Variants in IRAK2 observed in about 807,000 individuals in gnomAD.
IRAK2 encodes the protein interleukin 1 receptor associated kinase 2.
A neutral mutation model predicts 72.0 loss-of-function variants in IRAK2; 57 were observed. That is an observed-to-expected ratio of 0.79 (90% CI 0.64 to 0.99). The LOEUF is 0.99. IRAK2 is among the 50% of genes least tolerant of loss of function. The pLI is 0.00. For missense variants in IRAK2, 790 were observed against 794.4 expected (o/e 0.99, Z 0.07); for synonymous variants, 293 against 312.7 (o/e 0.94, Z 0.67).
At chr3:10,198,417 G>A (rs1484711629) in intron 2 of IRAK2, among the ~76,000 whole-genome samples, 1 of 152,188 alleles carries the variant, frequency 6.6e-6, no homozygotes, top group African/African-American at 2.4e-5. Flanking sequence ...GCCCCTGGGG[G>A]AATTGGGGCT....
At chr3:10,218,629 C>A (rs1026381266) in intron 7 of IRAK2, among the ~76,000 whole-genome samples, 7 of 152,074 alleles carry the variant, frequency 4.6e-5, no homozygotes, top group African/African-American at 1.7e-4. Context: ...CCTCTCCCAT[C>A]CAGCTTCTTT....
chr3:10,184,292 A>G (rs1697008522), intron 2 of IRAK2, among the ~76,000 whole-genome samples: 1 of 152,182 alleles, frequency 6.6e-6, no homozygotes. Context: ...TAAAGCTTCT[A>G]GTACTCTAGA....
chr3:10,215,857 C>T (rs189413782), intron 6 of IRAK2, among the ~76,000 whole-genome samples: 21 of 152,228 alleles, frequency 1.4e-4, no homozygotes, highest in African/African-American at 4.8e-4. Flanking sequence ...ATGGAGTCGG[C>T]AGTCACTCCT....
chr3:10,199,539 T>G (rs696319), intron 2 of IRAK2, among the ~76,000 whole-genome samples: 42,224 of 151,982 alleles, frequency 0.28, 7,880 homozygotes, highest in East Asian at 0.75. Flanking sequence ...AAGGATGCGT[T>G]TGTCTCCACT....
intron 3 of IRAK2, among the ~76,000 whole-genome samples, chr3:10,204,620 G>A (rs1438579044): frequency 1.3e-5 from 2 of 152,060 alleles, no homozygotes; most frequent in African/African-American, 4.8e-5. Context: ...ATGGTCTCAG[G>A]CGCCTGTAAT....
At chr3:10,242,077 C>A (rs1239945370) in intron 12 of IRAK2, 39 bp from the exon 13 acceptor site, 1 of 1,174,446 alleles carries the variant, frequency 8.5e-7, no homozygotes, top group Non-Finnish European at 1.3e-6. Context: ...TAGTAACTTT[C>A]ATTCAAGTCG....
Position 10,231,922 on chromosome 3 carries a change from C to G in IRAK2, c.1273-2537C>G, listed in dbSNP as rs1169675. On this transcript the variant is annotated intron_variant, in intron 10 of 12. Coordinates refer to ENST00000256458, the MANE Select transcript of IRAK2 (RefSeq NM_001570.4). Reference sequence around the variant, plus strand: ...CAGGCGGATCACAAGGTCAGGAGATCGAGACCATCCTGGCTAACATGGTGA... The same window carrying G: ...CAGGCGGATCACAAGGTCAGGAGATGGAGACCATCCTGGCTAACATGGTGA... 5.3e-5 allele frequency among the ~76,000 whole-genome samples: 8 copies of G among 152,110 alleles called. No homozygotes were observed. The South Asian group carries it at 1.7e-3, about 32-fold the overall frequency.
intron 1 of IRAK2, among the ~76,000 whole-genome samples, chr3:10,174,603 C>A (rs761672386): frequency 2.0e-5 from 3 of 152,128 alleles, no homozygotes; most frequent in Non-Finnish European, 2.9e-5. Context: ...CGGCTCACTG[C>A]AACCTCTGCC....
At position 10,238,970 on chromosome 3, in the gene IRAK2, C is replaced by T. The variant is rs55740652; in HGVS notation, c.1696C>T (p.Arg566Trp). ...LPTENGEGRL[R>W]VIVGREADSS... ...CACAGAGAATGGGGAAGGAAGGCTG[C>T]GGGTCATCGTGGGAAGGGAGGCTGA... Residue 566 changes from arginine (R) to tryptophan (W), a missense_variant, in exon 12 of 13, where the codon CGG (arginine) becomes TGG (tryptophan). Physicochemically the swap from Arg to Trp is moderately radical, Grantham distance 101. Coordinates refer to ENST00000256458, the MANE Select transcript of IRAK2 (RefSeq NM_001570.4). 3.8e-4 allele frequency: 619 copies of T among 1,613,894 alleles called. 6 individuals are homozygous for T. In the Admixed American group the frequency reaches 6.7e-3, roughly 18 times the overall value.
intron 2 of IRAK2, among the ~76,000 whole-genome samples, chr3:10,199,537 G>A (rs6763870): frequency 0.034 from 5,177 of 152,218 alleles, 235 homozygotes; most frequent in African/African-American, 0.1. Context: ...GGAAGGATGC[G>A]TTTGTCTCCA....
intron 2 of IRAK2, among the ~76,000 whole-genome samples, chr3:10,182,503 G>T (rs766775371): frequency 6.6e-6 from 1 of 150,986 alleles, no homozygotes; most frequent in Admixed American, 6.6e-5. Flanking sequence ...GGATGGTCTC[G>T]ATCTCCTGAC....
intron 2 of IRAK2, among the ~76,000 whole-genome samples, chr3:10,195,292 C>T (rs182084138): frequency 6.6e-6 from 1 of 152,316 alleles, no homozygotes; most frequent in African/African-American, 2.4e-5. Context: ...AGCAGTGGCT[C>T]AGGCCTGTAA....
intron 3 of IRAK2, among the ~76,000 whole-genome samples, chr3:10,203,563 G>T (rs1476310772): frequency 6.6e-6 from 1 of 152,222 alleles, no homozygotes; most frequent in Non-Finnish European, 1.5e-5. Flanking sequence ...CTTGATCCCT[G>T]TGATACCCTG....
chr3:10,210,769 T>C (rs1697505606), intron 4 of IRAK2, among the ~76,000 whole-genome samples: 1 of 152,190 alleles, frequency 6.6e-6, no homozygotes, highest in African/African-American at 2.4e-5. Flanking sequence ...CCCAACACTT[T>C]GGGAGGTTGG....
At chr3:10,169,898 G>A (rs713023) in intron 1 of IRAK2, among the ~76,000 whole-genome samples, 44,766 of 152,074 alleles carry the variant, frequency 0.29, 7,057 homozygotes, top group Non-Finnish European at 0.35. Context: ...AAAGACAGAC[G>A]TAAGAAATTA....
chr3:10,185,264 G>A (rs1559441507), intron 2 of IRAK2, among the ~76,000 whole-genome samples: 1 of 150,884 alleles, frequency 6.6e-6, no homozygotes, highest in Non-Finnish European at 1.5e-5. Context: ...TGAAGTTTAA[G>A]AACCACTGCT....
intron 2 of IRAK2, among the ~76,000 whole-genome samples, chr3:10,196,502 G>T (rs1697268018): frequency 6.6e-6 from 1 of 152,242 alleles, no homozygotes; most frequent in Non-Finnish European, 1.5e-5. Context: ...TGCAGGCAAG[G>T]CCCTTGTTGG....
At chr3:10,215,404 A>AG (rs1478470030) in intron 6 of IRAK2, among the ~76,000 whole-genome samples, 1 of 147,790 alleles carries the variant, frequency 6.8e-6, no homozygotes, top group East Asian at 1.9e-4. Context: ...AAAAAAAAAA[A>AG]AAAAAAAAAA....
intron 10 of IRAK2, among the ~76,000 whole-genome samples, chr3:10,227,289 A>T (rs1697794260): frequency 6.6e-6 from 1 of 151,940 alleles, no homozygotes; most frequent in African/African-American, 2.4e-5. Flanking sequence ...CTCTACTAAA[A>T]ATACAAAAAT....
Sources: allele counts gnomAD v4.1 joint callset (sites outside exome capture counted in the v4.1 genomes callset), GRCh38; gene constraint gnomAD v4.1.1; transcripts MANE v1.5; gene names NCBI Gene and HGNC (gene_info 2026-07-23, HGNC 2026-07-21).